Variants in IL19 observed in about 807,000 individuals in gnomAD.
The protein encoded by IL19 is interleukin-19.
IL19 carries 15 observed loss-of-function variants against 19.5 expected under a neutral mutation model. That is an observed-to-expected ratio of 0.77 (90% CI 0.52 to 1.19). IL19 has a LOEUF of 1.19. IL19 is among the 50% of genes most tolerant of loss of function. The probability of loss-of-function intolerance (pLI) is 0.00; values close to 1 mark genes in which losing one functional copy is unlikely to be tolerated. For synonymous variants in IL19, 78 were observed against 78.3 expected (o/e 1.00, Z 0.02); for missense variants, 199 against 213.1 (o/e 0.93, Z 0.41).
intron 2 of IL19, among the ~76,000 whole-genome samples, chr1:206,803,781 C>T (rs1031204276): frequency 3.3e-5 from 5 of 152,160 alleles, no homozygotes; most frequent in African/African-American, 1.2e-4. Flanking sequence ...GACTTTCAAA[C>T]TGACTGCACT....
intron 2 of IL19, among the ~76,000 whole-genome samples, chr1:206,814,404 C>G (rs1361942586): frequency 6.7e-6 from 1 of 150,256 alleles, no homozygotes; most frequent in African/African-American, 2.5e-5. Flanking sequence ...AATCAGAATG[C>G]TTTGGGCCTG....
intron 5 of IL19, chr1:206,840,290 C>A: frequency 1.8e-6 from 1 of 550,798 alleles, no homozygotes; most frequent in Non-Finnish European, 3.4e-6. Context: ...GACTCCAGTT[C>A]TACTGTAAGC....
chr1:206,795,293 C>T lies in IL19; in HGVS notation c.-148-3568C>T, dbSNP rs555556863. Among the ~76,000 whole-genome samples, 18 of 152,352 alleles carry T rather than the reference C, an allele frequency of 1.2e-4. No individual in the cohort carries two copies. The South Asian group carries it at 3.1e-3, about 26-fold the overall frequency. ...TCTAGACCAAGCCCACCTTCTTGAA[C>T]ATTTCAGTCTCTTTGCATCCAGCTG... On this transcript the variant is annotated intron_variant, in intron 1 of 6. Coordinates refer to ENST00000659997, the MANE Select transcript of IL19 (RefSeq NM_153758.5).
At chr1:206,782,715 T>C (rs1675177171) in intron 1 of IL19, among the ~76,000 whole-genome samples, 1 of 152,172 alleles carries the variant, frequency 6.6e-6, no homozygotes, top group Non-Finnish European at 1.5e-5. Flanking sequence ...GACCTGTCAT[T>C]ACTGTAAACC....
At chr1:206,798,814 T>G in intron 1 of IL19, 47 bp from the exon 2 acceptor site, 2 of 1,034,646 alleles carry the variant, frequency 1.9e-6, no homozygotes, top group Non-Finnish European at 2.9e-6. Flanking sequence ...AGGAGGGAGC[T>G]GAGTGTACCT....
chr1:206,800,398 G>T (rs950638144), intron 2 of IL19, among the ~76,000 whole-genome samples: 1 of 152,224 alleles, frequency 6.6e-6, no homozygotes, highest in Non-Finnish European at 1.5e-5. Flanking sequence ...TGAATGCTCC[G>T]ATATGTTGCT....
chr1:206,779,514 C>A (rs150577448), intron 1 of IL19, among the ~76,000 whole-genome samples: 250 of 152,326 alleles, frequency 1.6e-3, no homozygotes, highest in African/African-American at 5.9e-3. Context: ...CACCCCAACA[C>A]TGTCTCATCT....
In IL19 at chr1:206,836,875, G is replaced by A; in HGVS notation, c.144+69G>A. ...TCCCCTTACATCTTAGCTTGAAAAT[G>A]AGTTCCTTCTCATTGCCTTTTGCAT... On this transcript the variant is annotated intron_variant, in intron 3 of 6. Coordinates refer to ENST00000659997, the MANE Select transcript of IL19 (RefSeq NM_153758.5). 5 of 1,606,146 alleles carry A rather than the reference G, an allele frequency of 3.1e-6. No individual in the cohort carries two copies. The South Asian group carries it at 5.5e-5, about 18-fold the overall frequency.
chr1:206,777,443 A>C (rs947484819), intron 1 of IL19, among the ~76,000 whole-genome samples: 1 of 150,774 alleles, frequency 6.6e-6, no homozygotes, highest in African/African-American at 2.4e-5. Flanking sequence ...CCTCCCAGCT[A>C]CTCTCATGCT....
At chr1:206,800,349 G>A (rs1236198718) in intron 2 of IL19, among the ~76,000 whole-genome samples, 4 of 152,234 alleles carry the variant, frequency 2.6e-5, no homozygotes, top group African/African-American at 4.8e-5. Context: ...TCTCCCTGGG[G>A]CAGGGCAGTG....
Position 206,838,016 on chromosome 1 carries a change from G to T in IL19, c.210+993G>T, listed in dbSNP as rs1558623553. 2.0e-5 allele frequency among the ~76,000 whole-genome samples: 3 copies of T among 152,104 alleles called. No individual in the cohort carries two copies. In the South Asian group the frequency reaches 6.2e-4, roughly 31 times the overall value. ...GGGTAATTTTGGAAGGCCCCATGGGGGTATAAAAGAATAAAAGAAAATAAT... is the reference window on the plus strand; with the variant it reads ...GGGTAATTTTGGAAGGCCCCATGGGTGTATAAAAGAATAAAAGAAAATAAT... On this transcript the variant is annotated intron_variant, in intron 4 of 6. Transcript: ENST00000659997.
At chr1:206,807,004 C>T (rs369524785) in intron 2 of IL19, among the ~76,000 whole-genome samples, 3 of 152,128 alleles carry the variant, frequency 2.0e-5, no homozygotes, top group African/African-American at 4.8e-5. Flanking sequence ...ACTCACAGTC[C>T]TGCAGGGCTG....
intron 1 of IL19, among the ~76,000 whole-genome samples, chr1:206,792,254 C>A (rs1675425427): frequency 6.6e-6 from 1 of 152,182 alleles, no homozygotes; most frequent in Non-Finnish European, 1.5e-5. Flanking sequence ...GAGTCAGGGG[C>A]AGACCTAAAT....
chr1:206,803,520 A>G (rs1020697836), intron 2 of IL19, among the ~76,000 whole-genome samples: 1 of 152,184 alleles, frequency 6.6e-6, no homozygotes, highest in Non-Finnish European at 1.5e-5. Context: ...AGCCCACAAC[A>G]AAGAGTACAA....
intron 2 of IL19, among the ~76,000 whole-genome samples, chr1:206,831,291 T>A (rs1676602934): frequency 6.6e-6 from 1 of 152,160 alleles, no homozygotes; most frequent in Non-Finnish European, 1.5e-5. Flanking sequence ...TCGCCAATCT[T>A]CCCTCACATT....
intron 2 of IL19, among the ~76,000 whole-genome samples, chr1:206,833,293 G>T (rs887560682): frequency 6.6e-6 from 1 of 152,230 alleles, no homozygotes; most frequent in Non-Finnish European, 1.5e-5. Flanking sequence ...TCATTTAAAA[G>T]TTACTTTCCT....
Position 206,772,199 on chromosome 1 carries a change from T to C in IL19, c.-149+1121T>C. 3 of 1,386,428 alleles carry C rather than the reference T, an allele frequency of 2.2e-6. No homozygotes were observed. In the South Asian group the frequency reaches 3.5e-5, roughly 16 times the overall value. 85.9% of individuals were successfully genotyped at this position (1,386,428 alleles called of 1,614,324 possible). Reference sequence around the variant, plus strand: ...GGTGGAGGCGCAGGAGGAGGGTTCTTATAGTTCCAGGAGAATGTCTAGTTC... The same window carrying C: ...GGTGGAGGCGCAGGAGGAGGGTTCTCATAGTTCCAGGAGAATGTCTAGTTC... On this transcript the variant is annotated intron_variant, in intron 1 of 6. Transcript: ENST00000659997.
In IL19 at chr1:206,842,532, G is replaced by C; in HGVS notation, c.444G>C (p.Glu148Asp). ...RVIHDNYDQL[E>D]VHAAAIKSLG... ...ACATTGATCTCTGATTTCAGCTGGA[G>C]GTCCACGCTGCTGCCATTAAATCCC... The change falls in exon 7 of 7, where the codon GAG becomes GAC. Residue 148 changes from glutamate to aspartate, a missense_variant. Coordinates refer to ENST00000659997, the MANE Select transcript of IL19 (RefSeq NM_153758.5). 1 of 1,560,528 alleles carries C rather than the reference G, an allele frequency of 6.4e-7. No individual in the cohort carries two copies. The highest frequency in any genetic ancestry group is 8.7e-7 in the Non-Finnish European group (1 of 1,149,206).
intron 2 of IL19, among the ~76,000 whole-genome samples, chr1:206,823,118 C>T (rs1021495590): frequency 2.0e-5 from 3 of 151,800 alleles, no homozygotes; most frequent in African/African-American, 4.8e-5. Flanking sequence ...GTAGTAGAGA[C>T]GGGGTTTCTC....
Sources: allele counts gnomAD v4.1 joint callset (sites outside exome capture counted in the v4.1 genomes callset), GRCh38; gene constraint gnomAD v4.1.1; transcripts MANE v1.5; gene names NCBI Gene and HGNC (gene_info 2026-07-23, HGNC 2026-07-21).